Variants in PRKDC observed in about 807,000 individuals in gnomAD.
PRKDC encodes the protein protein kinase, DNA-activated, catalytic subunit, also known as DNA-dependent protein kinase catalytic subunit.
In PRKDC, 82 loss-of-function variants were observed where a neutral mutation model predicts 486.9. That is an observed-to-expected ratio of 0.17 (90% CI 0.14 to 0.20). The LOEUF is 0.20. Ranked by LOEUF, PRKDC falls within the 10% of genes least tolerant of loss-of-function variation. PRKDC has a pLI of 1.00. For synonymous variants in PRKDC, 1,895 were observed against 1,837.0 expected, an observed-to-expected ratio of 1.03 and a Z score of -0.81; for missense variants, 4,504 against 5,038.2, an observed-to-expected ratio of 0.89 and a Z score of 3.21.
chr8:47,793,169 C>A (rs2086911577), intron 74 of PRKDC, among the ~76,000 whole-genome samples: 1 of 152,228 alleles, frequency 6.6e-6, no homozygotes, highest in South Asian at 2.1e-4. Flanking sequence ...TAGGCACAGA[C>A]CATCATGCCC....
chr8:47,834,434 C>G, intron 58 of PRKDC, 38 bp from the exon 59 acceptor site: 5 of 1,603,214 alleles, frequency 3.1e-6, no homozygotes, highest in Non-Finnish European at 4.3e-6. Context: ...CACTCAGCAT[C>G]ACCCAGCTCT....
At chr8:47,825,214 G>A (rs995976222) in intron 63 of PRKDC, among the ~76,000 whole-genome samples, 1 of 152,086 alleles carries the variant, frequency 6.6e-6, no homozygotes, top group Admixed American at 6.6e-5. Context: ...ACTATAACAT[G>A]GTTAGAACAA....
At chr8:47,946,131 A>G (rs968471152) in intron 7 of PRKDC, among the ~76,000 whole-genome samples, 6 of 151,892 alleles carry the variant, frequency 4.0e-5, no homozygotes, top group Non-Finnish European at 7.4e-5. Flanking sequence ...GGAGTTTGAG[A>G]CCAGCCTGGC....
chr8:47,859,718 T>C lies in PRKDC; in HGVS notation c.6100A>G (p.Ser2034Gly), dbSNP rs780356759. 2.5e-6 allele frequency: 4 copies of C among 1,613,686 alleles called. No individual in the cohort carries two copies. Among genetic ancestry groups the C allele is most frequent in the Admixed American group, 3.3e-5 (2 of 60,022 alleles). The change falls in exon 46 of 86, where the codon AGT becomes GGT. Residue 2034 changes from serine to glycine, a missense_variant. By Grantham distance (56) the Ser-to-Gly change is moderately conservative. Around this residue, in one of 6 missense-constraint regions of PRKDC, gnomAD observed 1,592 missense variants for 1,724.6 expected, o/e 0.92. Coordinates refer to ENST00000314191, the MANE Select transcript of PRKDC (RefSeq NM_006904.7). ...TGACTCATTTCCTCACTCAGGGTAC[T>C]GTCTGCCAAATATGACAGGGAAGAC... is the stretch of plus-strand genomic sequence containing the variant. ...YMSSLSYLAD[S>G]TLSEEMSQFD... is the part of the protein sequence containing the mutation.
chr8:47,777,716 C>T lies in PRKDC; in HGVS notation c.12012G>A (p.Val4004=). 1 of 1,591,626 alleles carries T rather than the reference C, an allele frequency of 6.3e-7. No individual in the cohort carries two copies. The highest frequency in any genetic ancestry group is 8.6e-7 in the Non-Finnish European group (1 of 1,164,808). ...DPGLLTNTMD[V]FVKEPSFDWK... ...AATCAAAGGAGGGCTCCTTGACAAA[C>T]ACATCCATGGTGTTGGTGAGCAGGC... Residue 4004 remains valine, a synonymous_variant, in exon 84 of 86, where the codon GTG becomes GTA. Transcript: ENST00000314191.
In PRKDC at chr8:47,854,137, A is replaced by G. The variant is rs762429483; in HGVS notation, c.6839T>C (p.Val2280Ala). ...NSVGIQLLGI[V>A]MANDLPPYDP... ...ATAGGGAGGCAGGTCATTGGCCATC[A>G]CGATGCCTAGCAATTGAATCCCTAC... Residue 2280 changes from valine to alanine, a missense_variant, in exon 51 of 86, where the codon GTG becomes GCG. Physicochemically the swap from Val to Ala is moderately conservative, Grantham distance 64 (BLOSUM62 0). This residue lies in a region of PRKDC where 1,592 missense variants were observed against 1,724.6 expected (regional missense o/e 0.92). Coordinates refer to ENST00000314191, the MANE Select transcript of PRKDC (RefSeq NM_006904.7). 4 of 1,613,946 alleles carry G rather than the reference A, an allele frequency of 2.5e-6. No homozygotes were observed. The highest frequency in any genetic ancestry group is 2.5e-6 in the Non-Finnish European group (3 of 1,179,808).
chr8:47,881,279 G>A (rs2089210040), intron 38 of PRKDC, 137 bp downstream of exon 38: 5 of 604,460 alleles, frequency 8.3e-6, no homozygotes, highest in South Asian at 2.2e-5. Flanking sequence ...TAATAAGTAC[G>A]GGGGATTACT....
intron 40 of PRKDC, among the ~76,000 whole-genome samples, chr8:47,872,580 A>T (rs1285531752): frequency 1.3e-5 from 2 of 152,220 alleles, no homozygotes; most frequent in Non-Finnish European, 2.9e-5. Context: ...GATTGAAAAT[A>T]AAGGGATGAA....
intron 63 of PRKDC, among the ~76,000 whole-genome samples, chr8:47,825,016 C>A (rs913111562): frequency 1.3e-5 from 2 of 152,156 alleles, no homozygotes; most frequent in Non-Finnish European, 2.9e-5. Flanking sequence ...ATGCAGCTCT[C>A]TTATTGCCCT....
Position 47,900,466 on chromosome 8 carries a change from C to T in PRKDC, c.3271G>A (p.Glu1091Lys). ...AACTGTTCCACCAGAGACTCTTCTT[C>T]CCTGTAAAATAAAGAATAGGAAACC... ...AFNNIYREFREEESLVEQFVF... is the reference protein window; with the variant it reads ...AFNNIYREFRKEESLVEQFVF... The change falls in exon 28 of 86, where the codon GAA becomes AAA. Residue 1091 changes from glutamate (E) to lysine (K), a missense_variant and splice_region_variant. Physicochemically the swap from Glu to Lys is moderately conservative, Grantham distance 56. Coordinates refer to ENST00000314191, the MANE Select transcript of PRKDC (RefSeq NM_006904.7). 6.2e-7 allele frequency: 1 copy of T among 1,602,644 alleles called. No individual in the cohort carries two copies.
At chr8:47,825,207 A>G (rs56948402) in intron 63 of PRKDC, among the ~76,000 whole-genome samples, 1 of 152,246 alleles carries the variant, frequency 6.6e-6, no homozygotes, top group East Asian at 1.9e-4. Context: ...TATGTTCACT[A>G]TAACATGGTT....
chr8:47,785,505 A>T (rs1178143051), intron 76 of PRKDC, among the ~76,000 whole-genome samples, 188 bp from the exon 77 acceptor site: 1 of 151,944 alleles, frequency 6.6e-6, no homozygotes, highest in Non-Finnish European at 1.5e-5. Flanking sequence ...AGTCCAAGAT[A>T]GTAGGATTAC....
rs566300147 is a variant in PRKDC at position 47,914,643 on chromosome 8, T to C, written c.2618-579A>G. On this transcript the variant is annotated intron_variant, in intron 23 of 85. Coordinates refer to ENST00000314191, the MANE Select transcript of PRKDC (RefSeq NM_006904.7). ...GGTGAAACCCCATCTCTACTAAAAA[T>C]ACAAAAAATTAGCCAGGCATGGTGG... Among the ~76,000 whole-genome samples the C allele has an allele frequency of 1.1e-4, 16 of 151,944 alleles. No homozygotes were observed. In the East Asian group the frequency reaches 3.1e-3, roughly 29 times the overall value.
chr8:47,786,347 G>A (rs2086791045), intron 76 of PRKDC, among the ~76,000 whole-genome samples: 2 of 151,988 alleles, frequency 1.3e-5, no homozygotes, highest in South Asian at 4.1e-4. Flanking sequence ...GGGAGGCGGA[G>A]GTTGCAGTGA....
chr8:47,948,977 A>G (rs1483539833), intron 7 of PRKDC, among the ~76,000 whole-genome samples: 1 of 152,250 alleles, frequency 6.6e-6, no homozygotes, highest in Non-Finnish European at 1.5e-5. Flanking sequence ...CTATAATTCT[A>G]AAGGTGAGAA....
intron 28 of PRKDC, among the ~76,000 whole-genome samples, chr8:47,899,862 A>G (rs2089648441): frequency 6.6e-6 from 1 of 152,074 alleles, no homozygotes; most frequent in South Asian, 2.1e-4. Context: ...ATCATTTATT[A>G]CTCTCTTAGC....
chr8:47,843,073 G>A (rs1471840872), intron 54 of PRKDC, among the ~76,000 whole-genome samples: 1 of 152,178 alleles, frequency 6.6e-6, no homozygotes, highest in Admixed American at 6.5e-5. Flanking sequence ...ACTGAGATGG[G>A]AGGATCACCT....
chr8:47,941,144 A>G (rs1272739533), intron 10 of PRKDC, among the ~76,000 whole-genome samples: 1 of 151,590 alleles, frequency 6.6e-6, no homozygotes, highest in Non-Finnish European at 1.5e-5. Context: ...AAAAAAAAAA[A>G]CCAAAAAAAC....
rs180959149 is a variant in PRKDC at position 47,835,359 on chromosome 8, T to C, written c.7952-963A>G. Among the ~76,000 whole-genome samples, 10 of 152,136 alleles carry C rather than the reference T, an allele frequency of 6.6e-5. No homozygotes were observed. In the East Asian group the frequency reaches 1.2e-3, roughly 18 times the overall value. On this transcript the variant is annotated intron_variant, in intron 58 of 85. Transcript: ENST00000314191. ...CTGGTCAGAAATAATCCATTTCTTTTTTAGAAAAATTGTAGCAAAACAGGC... is the reference window on the plus strand; with the variant it reads ...CTGGTCAGAAATAATCCATTTCTTTCTTAGAAAAATTGTAGCAAAACAGGC...
Sources: gnomAD v4.1 joint callset for allele counts (sites outside exome capture counted in the v4.1 genomes callset) on GRCh38, gnomAD v4.1.1 for gene constraint, gnomAD v4.1.1 regional missense constraint, MANE v1.5 for transcripts, NCBI Gene and HGNC (gene_info 2026-07-23, HGNC 2026-07-21) for gene names.